Variants in PRSS23 observed in about 807,000 individuals in gnomAD.
The protein encoded by PRSS23 is protease, serine 23.
PRSS23 carries 25 observed loss-of-function variants against 34.7 expected under a neutral mutation model. That is an observed-to-expected ratio of 0.72 (90% confidence interval 0.53 to 1.01). The LOEUF (loss-of-function observed/expected upper bound fraction) is 1.01. Ranked by LOEUF, PRSS23 falls within the 50% of genes least tolerant of loss-of-function variation. The pLI is 0.00. For missense variants in PRSS23, 445 were observed against 475.6 expected (o/e 0.94, Z 0.60); for synonymous variants, 176 against 186.6 (o/e 0.94, Z 0.46).
At chr11:86,821,366 G>T in intron 1 of PRSS23, 3 of 946,760 alleles carry the variant, frequency 3.2e-6, no homozygotes, top group Admixed American at 2.1e-5. Flanking sequence ...TCCTAGTTTT[G>T]CTACGGATTA....
At chr11:86,849,511 A>G (rs541783780) in intron 2 of PRSS23, among the ~76,000 whole-genome samples, 1 of 152,324 alleles carries the variant, frequency 6.6e-6, no homozygotes, top group South Asian at 2.1e-4. Flanking sequence ...AAATCAGGCT[A>G]AAAGACCCCA....
chr11:86,905,545 C>A (rs962692562), intron 2 of PRSS23, among the ~76,000 whole-genome samples: 3 of 152,204 alleles, frequency 2.0e-5, no homozygotes, highest in African/African-American at 7.2e-5. Flanking sequence ...AGAAATGAAT[C>A]ATTAGGTCAT....
At chr11:86,905,157 A>C (rs1183624647) in intron 2 of PRSS23, among the ~76,000 whole-genome samples, 1 of 152,252 alleles carries the variant, frequency 6.6e-6, no homozygotes. Flanking sequence ...GAAATGATCC[A>C]TGTGCATATC....
chr11:86,924,874 C>G (rs551540374), intron 2 of PRSS23: 1 of 152,196 alleles, frequency 6.6e-6, no homozygotes, highest in South Asian at 2.1e-4. Flanking sequence ...CCTACCTAAC[C>G]GGGGTCAGCT....
At chr11:86,943,290 C>T (rs1949218032) in intron 2 of PRSS23, among the ~76,000 whole-genome samples, 1 of 152,162 alleles carries the variant, frequency 6.6e-6, no homozygotes, top group Non-Finnish European at 1.5e-5. Context: ...GAGAAAGGTG[C>T]CAAAGAATCT....
intron 2 of PRSS23, among the ~76,000 whole-genome samples, chr11:86,837,812 G>A (rs902796828): frequency 3.3e-5 from 5 of 152,124 alleles, no homozygotes; most frequent in African/African-American, 4.8e-5. Flanking sequence ...ACTGGAGATC[G>A]CTTTTAAGAT....
intron 2 of PRSS23, among the ~76,000 whole-genome samples, chr11:86,862,975 A>G (rs968073544): frequency 2.0e-5 from 3 of 152,016 alleles, no homozygotes; most frequent in Admixed American, 6.5e-5. Context: ...ATCACTGTGC[A>G]TGTATACTGT....
chr11:86,799,454 C>T (rs1948004929), upstream of PRSS23, among the ~76,000 whole-genome samples: 1 of 152,152 alleles, frequency 6.6e-6, no homozygotes, highest in African/African-American at 2.4e-5. Flanking sequence ...AAATCTTGTC[C>T]TACCATTCAG....
At chr11:86,914,823 G>T (rs146536191) in intron 2 of PRSS23, among the ~76,000 whole-genome samples, 384 of 152,318 alleles carry the variant, frequency 2.5e-3, no homozygotes, top group African/African-American at 8.9e-3. Context: ...AGAGTTTTAA[G>T]CCTTATACAT....
intron 2 of PRSS23, among the ~76,000 whole-genome samples, chr11:86,887,413 C>A (rs572193406): frequency 0.012 from 1,651 of 138,132 alleles, 26 homozygotes; most frequent in African/African-American, 0.037. Context: ...CAAAACAAAA[C>A]AAAAAAAAAA....
At chr11:86,886,344 T>C (rs1265370503) in intron 2 of PRSS23, among the ~76,000 whole-genome samples, 1 of 152,164 alleles carries the variant, frequency 6.6e-6, no homozygotes, top group Non-Finnish European at 1.5e-5. Context: ...CTTCCCATGA[T>C]GGATCATTTG....
chr11:86,844,883 A>G (rs1159417538), intron 2 of PRSS23, among the ~76,000 whole-genome samples: 2 of 152,198 alleles, frequency 1.3e-5, no homozygotes, highest in Non-Finnish European at 2.9e-5. Flanking sequence ...TGAGGTCAGG[A>G]GTTCAAGAAC....
intron 2 of PRSS23, among the ~76,000 whole-genome samples, chr11:86,842,836 G>A (rs1948458695): frequency 6.6e-6 from 1 of 152,128 alleles, no homozygotes; most frequent in African/African-American, 2.4e-5. Flanking sequence ...TGTGAAAATG[G>A]CCATACTGCC....
intron 2 of PRSS23, among the ~76,000 whole-genome samples, chr11:86,944,394 G>C (rs755847670): frequency 3.9e-5 from 6 of 152,090 alleles, no homozygotes; most frequent in Non-Finnish European, 7.3e-5. Context: ...CTGGGGTTAA[G>C]ATTAGAGGGA....
intron 2 of PRSS23, among the ~76,000 whole-genome samples, chr11:86,922,747 T>C (rs1309098545): frequency 2.0e-5 from 3 of 152,178 alleles, no homozygotes; most frequent in Admixed American, 6.5e-5. Context: ...ACACCCAGCA[T>C]TGAATTATAA....
At chr11:86,886,451 C>T (rs1405555964) in intron 2 of PRSS23, among the ~76,000 whole-genome samples, 2 of 152,214 alleles carry the variant, frequency 1.3e-5, no homozygotes, top group East Asian at 1.9e-4. Context: ...CGTGAAGCCT[C>T]TGTTAAAACT....
intron 2 of PRSS23, chr11:86,939,249 A>T (rs1287140240): frequency 3.7e-6 from 1 of 272,210 alleles, no homozygotes; most frequent in Non-Finnish European, 7.3e-6. Flanking sequence ...TTCTAATTAC[A>T]GGGACACTGC....
chr11:86,843,512 A>C (rs1948463738), intron 2 of PRSS23, among the ~76,000 whole-genome samples: 1 of 152,356 alleles, frequency 6.6e-6, no homozygotes, highest in South Asian at 2.1e-4. Flanking sequence ...AAATTTTTGC[A>C]ATCTATCCAT....
rs766166020 is a variant in PRSS23 at position 86,808,832 on chromosome 11, A to G, written c.*37A>G. ...CTCCTGGCAGCAATTAAGGGTCTTC[A>G]TGTTCTTATTTTAGGAGAGGCCAAA... On this transcript the variant is annotated 3_prime_UTR_variant, in exon 2 of 2. Coordinates refer to ENST00000280258, the MANE Select transcript of PRSS23 (RefSeq NM_007173.6). 35 of 1,544,786 alleles carry G rather than the reference A, an allele frequency of 2.3e-5. No homozygotes were observed. The highest frequency in any genetic ancestry group is 2.9e-5 in the Non-Finnish European group (33 of 1,141,558).
Sources: allele counts gnomAD v4.1 joint callset (sites outside exome capture counted in the v4.1 genomes callset), GRCh38; gene constraint gnomAD v4.1.1; transcripts MANE v1.5; gene names NCBI Gene and HGNC (gene_info 2026-07-23, HGNC 2026-07-21).